NBDY: variants seen among roughly 807,000 people sequenced by gnomAD.
NBDY encodes the protein negative regulator of P-body association, also known as P-body dissociating protein.
chrX:56,762,390 A>C (rs937281395), intron 2 of NBDY, among the ~76,000 whole-genome samples: 1 of 107,863 alleles, frequency 9.3e-6, no homozygotes, highest in Non-Finnish European at 1.9e-5. Flanking sequence ...TGGCGAGACA[A>C]ATGTTCTATG....
At chrX:56,810,576 T>G (rs1234505482) in intron 2 of NBDY, among the ~76,000 whole-genome samples, 2 of 110,093 alleles carry the variant, frequency 1.8e-5, no homozygotes, top group African/African-American at 6.6e-5. Flanking sequence ...ACGAAGTTCT[T>G]GTGCTGTGTT....
At chrX:56,808,755 A>G (rs1268883917) in intron 2 of NBDY, among the ~76,000 whole-genome samples, 1 of 111,213 alleles carries the variant, frequency 9.0e-6, no homozygotes, top group Non-Finnish European at 1.9e-5. Flanking sequence ...TTGTCTCTGT[A>G]TTCTTCAGTT....
chrX:56,793,933 C>T (rs1160765547), intron 2 of NBDY, among the ~76,000 whole-genome samples: 1 of 112,049 alleles, frequency 8.9e-6, no homozygotes, highest in Non-Finnish European at 1.9e-5. Flanking sequence ...GCTCCCTGTT[C>T]CCCCTGTGGC....
At chrX:56,799,585 C>T (rs1469751306) in intron 2 of NBDY, among the ~76,000 whole-genome samples, 1 of 113,337 alleles carries the variant, frequency 8.8e-6, no homozygotes, top group Non-Finnish European at 1.9e-5. Flanking sequence ...CAGCCTGGCA[C>T]ATCCTCGCTG....
chrX:56,735,474 C>G (rs2069483106), intron 2 of NBDY, among the ~76,000 whole-genome samples: 3 of 111,974 alleles, frequency 2.7e-5, no homozygotes, highest in Admixed American at 9.4e-5. Context: ...CAATCTTGGT[C>G]CATTCTATTT....
At chrX:56,762,243 C>A (rs1377054394) in intron 2 of NBDY, among the ~76,000 whole-genome samples, 3 of 110,721 alleles carry the variant, frequency 2.7e-5, no homozygotes, top group East Asian at 2.8e-4. Flanking sequence ...TCTGGTTCTT[C>A]TTCCTCTTCC....
In NBDY at chrX:56,819,116, A is replaced by T. The variant is rs770045813; in HGVS notation, c.*1963A>T. ...ACTCTTGGGAGGAAATATAGAATAA[A>T]TTTTTGTGACCTTGAATTAAGTATT... On this transcript the variant is annotated 3_prime_UTR_variant, in exon 3 of 3. Transcript: ENST00000374922. The T allele has an allele frequency of 1.7e-4, 19 of 111,008 alleles. No homozygotes were observed. Among genetic ancestry groups the T allele is most frequent in the Non-Finnish European group, 3.4e-4 (18 of 53,002 alleles). 9.1% of individuals were successfully genotyped at this position (111,008 alleles called of 1,213,427 possible).
At chrX:56,746,351 C>T (rs2069558234) in intron 2 of NBDY, among the ~76,000 whole-genome samples, 1 of 111,024 alleles carries the variant, frequency 9.0e-6, no homozygotes, top group Admixed American at 9.6e-5. Flanking sequence ...AGTTCCTCTC[C>T]TGTTATTCTT....
chrX:56,814,580 C>T (rs1421516330), intron 2 of NBDY, among the ~76,000 whole-genome samples: 1 of 109,536 alleles, frequency 9.1e-6, no homozygotes, highest in Non-Finnish European at 1.9e-5. Context: ...GCAACCTCCA[C>T]CTCCCAGGTT....
At chrX:56,751,993 T>G (rs2069587977) in intron 2 of NBDY, among the ~76,000 whole-genome samples, 1 of 112,109 alleles carries the variant, frequency 8.9e-6, no homozygotes, top group Non-Finnish European at 1.9e-5. Context: ...TTTAGGATTA[T>G]GGACTCCAGC....
At chrX:56,797,134 T>A (rs1230294769) in intron 2 of NBDY, among the ~76,000 whole-genome samples, 1 of 107,584 alleles carries the variant, frequency 9.3e-6, no homozygotes, top group East Asian at 2.9e-4. Flanking sequence ...TTCTTCTTCT[T>A]CCTCTTCTTC....
intron 2 of NBDY, among the ~76,000 whole-genome samples, chrX:56,804,776 C>A (rs2069841282): frequency 1.8e-5 from 2 of 111,951 alleles, no homozygotes; most frequent in African/African-American, 3.2e-5. Flanking sequence ...TTTTGGGTCT[C>A]CAGGCAGAAA....
At chrX:56,800,872 C>T (rs1391720315) in intron 2 of NBDY, among the ~76,000 whole-genome samples, 1 of 110,985 alleles carries the variant, frequency 9.0e-6, no homozygotes, top group African/African-American at 3.3e-5. Flanking sequence ...TCCCCCTCCC[C>T]TATCTGCCTT....
intron 2 of NBDY, among the ~76,000 whole-genome samples, chrX:56,784,996 T>G (rs765036132): frequency 8.9e-6 from 1 of 111,948 alleles, no homozygotes; most frequent in Non-Finnish European, 1.9e-5. Context: ...CAAATCTTCC[T>G]GGATGTGTAG....
At chrX:56,794,857 A>G (rs1253191730) in intron 2 of NBDY, among the ~76,000 whole-genome samples, 1 of 112,468 alleles carries the variant, frequency 8.9e-6, no homozygotes, top group African/African-American at 3.2e-5. Flanking sequence ...GTATCCATAC[A>G]TTGTTGACCC....
chrX:56,756,813 G>A (rs375274856), intron 2 of NBDY, among the ~76,000 whole-genome samples: 9 of 110,481 alleles, frequency 8.1e-5, no homozygotes, highest in African/African-American at 1.6e-4. Context: ...AAAAATTAGC[G>A]GACTTGGTGG....
At chrX:56,739,964 G>T (rs1443634998) in intron 2 of NBDY, among the ~76,000 whole-genome samples, 1 of 111,353 alleles carries the variant, frequency 9.0e-6, no homozygotes, top group African/African-American at 3.3e-5. Context: ...CTACATCAAG[G>T]TAGAGCTTTT....
chrX:56,759,292 G>C (rs956705946), intron 2 of NBDY, among the ~76,000 whole-genome samples: 1 of 112,017 alleles, frequency 8.9e-6, no homozygotes, highest in African/African-American at 3.2e-5. Context: ...TGGTGTCCCA[G>C]TGGCCATGAT....
chrX:56,795,739 C>A (rs1762473294), intron 2 of NBDY, among the ~76,000 whole-genome samples: 1 of 112,316 alleles, frequency 8.9e-6, no homozygotes, highest in South Asian at 3.7e-4. Context: ...CACCCGATTT[C>A]TTTTAATTGT....
Sources: gnomAD v4.1 joint callset for allele counts (sites outside exome capture counted in the v4.1 genomes callset) on GRCh38, gnomAD v4.1.1 for gene constraint, MANE v1.5 for transcripts, NCBI Gene and HGNC (gene_info 2026-07-23, HGNC 2026-07-21) for gene names.